Variants in LCLAT1 observed in about 807,000 individuals in gnomAD.
LCLAT1 encodes the protein 1-AGP acyltransferase 8.
LCLAT1 carries 11 observed loss-of-function variants against 30.7 expected under a neutral mutation model. The observed-to-expected ratio is 0.36, with a 90% CI of 0.23 to 0.59. LCLAT1 has a LOEUF of 0.59. Ranked by LOEUF, LCLAT1 falls within the 20% of genes least tolerant of loss-of-function variation. The pLI is 0.77. For synonymous variants in LCLAT1, 155 were observed against 151.3 expected, an observed-to-expected ratio of 1.02 and a Z score of -0.18; for missense variants, 402 against 458.6, an observed-to-expected ratio of 0.88 and a Z score of 1.13.
chr2:30,567,907 C>A (rs1665566096), intron 4 of LCLAT1, among the ~76,000 whole-genome samples, 153 bp from the exon 5 acceptor site: 1 of 152,132 alleles, frequency 6.6e-6, no homozygotes, highest in Non-Finnish European at 1.5e-5. Context: ...AATGGACCAT[C>A]TGCAATGTTT....
chr2:30,493,504 C>G (rs72856627), intron 1 of LCLAT1, among the ~76,000 whole-genome samples: 3,513 of 152,216 alleles, frequency 0.023, 126 homozygotes, highest in African/African-American at 0.079. Flanking sequence ...CAAGCATGTT[C>G]TAGATCATGC....
At chr2:30,588,988 G>A (rs546388194) in intron 5 of LCLAT1, among the ~76,000 whole-genome samples, 1 of 152,024 alleles carries the variant, frequency 6.6e-6, no homozygotes, top group Non-Finnish European at 1.5e-5. Context: ...AACTTCAAAG[G>A]TTATTGAAAA....
chr2:30,556,624 A>C (rs1664929685), intron 3 of LCLAT1, among the ~76,000 whole-genome samples: 1 of 152,218 alleles, frequency 6.6e-6, no homozygotes, highest in Admixed American at 6.5e-5. Context: ...TTAGATAATC[A>C]GGGTATATCT....
chr2:30,625,949 A>G lies in LCLAT1; in HGVS notation c.629-14168A>G, dbSNP rs930114508. Among the ~76,000 whole-genome samples, 4 of 152,324 alleles carry G rather than the reference A, an allele frequency of 2.6e-5. No homozygotes were observed. The South Asian group carries it at 6.2e-4, about 24-fold the overall frequency. Reference sequence around the variant, plus strand: ...ACGATACTTAAAAGTGACTGTGTGCACTGATAAACTGTAAGGGCAAGCATT... The same window carrying G: ...ACGATACTTAAAAGTGACTGTGTGCGCTGATAAACTGTAAGGGCAAGCATT... On this transcript the variant is annotated intron_variant, in intron 5 of 5. Coordinates refer to ENST00000379509, the MANE Select transcript of LCLAT1 (RefSeq NM_001002257.3).
At chr2:30,487,692 G>A (rs1276040289) in intron 1 of LCLAT1, among the ~76,000 whole-genome samples, 2 of 152,232 alleles carry the variant, frequency 1.3e-5, no homozygotes, top group Non-Finnish European at 2.9e-5. Context: ...GTTAGGTGGA[G>A]TTGAAGTGTG....
At chr2:30,536,873 G>T (rs1686271767) in intron 3 of LCLAT1, among the ~76,000 whole-genome samples, 1 of 152,140 alleles carries the variant, frequency 6.6e-6, no homozygotes, top group South Asian at 2.1e-4. Context: ...TAATAACCTT[G>T]AATGTAAAGC....
intron 1 of LCLAT1, among the ~76,000 whole-genome samples, chr2:30,449,430 G>A (rs1681431671): frequency 6.6e-6 from 1 of 151,818 alleles, no homozygotes; most frequent in Admixed American, 6.6e-5. Flanking sequence ...CTTTGGTTAA[G>A]TGGTATATTC....
intron 1 of LCLAT1, among the ~76,000 whole-genome samples, chr2:30,452,617 TA>T (rs1681613892): frequency 6.6e-6 from 1 of 152,228 alleles, no homozygotes; most frequent in African/African-American, 2.4e-5. Flanking sequence ...TTTTTTGTTT[TA>T]TTTTTTGGGA....
chr2:30,552,248 A>G (rs558655710), intron 3 of LCLAT1, among the ~76,000 whole-genome samples: 2 of 152,220 alleles, frequency 1.3e-5, no homozygotes, highest in Non-Finnish European at 1.5e-5. Context: ...TCATGTTAAC[A>G]TGAACCCCAA....
rs150122509 is a variant in LCLAT1, at chr2:30,453,234, G to A, written c.-5+5851G>A. ...TGGTGGTATCACAAAGAAAGGAAAT[G>A]CTGGATGAAGATAAAAATAAATGAT... On this transcript the variant is annotated intron_variant, in intron 1 of 5. Transcript: ENST00000379509. 6.2e-3 allele frequency among the ~76,000 whole-genome samples: 947 copies of A among 152,276 alleles called. 12 individuals carry two copies. The highest frequency in any genetic ancestry group is 6.0e-3 in the Non-Finnish European group (405 of 68,018).
intron 4 of LCLAT1, among the ~76,000 whole-genome samples, chr2:30,564,823 C>A (rs565491762): frequency 6.6e-6 from 1 of 152,252 alleles, no homozygotes; most frequent in East Asian, 1.9e-4. Flanking sequence ...CTTGCATGTA[C>A]ATTTAAATTA....
intron 1 of LCLAT1, among the ~76,000 whole-genome samples, chr2:30,520,481 C>T (rs1490423735): frequency 6.6e-6 from 1 of 152,128 alleles, no homozygotes; most frequent in Non-Finnish European, 1.5e-5. Context: ...GACTCTGACA[C>T]CAAGTTACCT....
intron 1 of LCLAT1, among the ~76,000 whole-genome samples, chr2:30,456,537 T>C (rs1681846583): frequency 6.6e-6 from 1 of 152,054 alleles, no homozygotes; most frequent in African/African-American, 2.4e-5. Context: ...TTAGGCTCCC[T>C]ACATGGCTTT....
intron 5 of LCLAT1, among the ~76,000 whole-genome samples, chr2:30,592,625 ATT>A (rs1437506915): frequency 2.0e-5 from 3 of 152,254 alleles, no homozygotes; most frequent in Non-Finnish European, 4.4e-5. Flanking sequence ...CAGAGTAACA[ATT>A]TGATTAAAAC....
At chr2:30,552,149 A>G (rs1339636418) in intron 3 of LCLAT1, among the ~76,000 whole-genome samples, 1 of 152,236 alleles carries the variant, frequency 6.6e-6, no homozygotes. Context: ...CAGTTTTGCA[A>G]CAGGAAGAAA....
chr2:30,640,013 C>T, intron 5 of LCLAT1, 104 bp from the exon 6 acceptor site: 3 of 827,464 alleles, frequency 3.6e-6, no homozygotes, highest in East Asian at 2.4e-5. Flanking sequence ...GTGGTTCACA[C>T]TGTCCTGATT....
chr2:30,622,975 A>G (rs543572686), intron 5 of LCLAT1, among the ~76,000 whole-genome samples: 27 of 152,306 alleles, frequency 1.8e-4, no homozygotes, highest in African/African-American at 6.3e-4. Context: ...ATTGCCTGTA[A>G]AAGAATTCAG....
chr2:30,568,764 C>A (rs762814384), intron 5 of LCLAT1, among the ~76,000 whole-genome samples: 23 of 146,402 alleles, frequency 1.6e-4, no homozygotes, highest in Non-Finnish European at 3.3e-4. Flanking sequence ...GCCTCAGCCT[C>A]CCAAACTGCT....
intron 4 of LCLAT1, among the ~76,000 whole-genome samples, chr2:30,564,204 G>T (rs10211659): frequency 0.13 from 19,224 of 151,948 alleles, 1,352 homozygotes; most frequent in South Asian, 0.23. Context: ...TTTTGATATT[G>T]AAATATCAGC....
Sources: allele counts gnomAD v4.1 joint callset (sites outside exome capture counted in the v4.1 genomes callset), GRCh38; gene constraint gnomAD v4.1.1; transcripts MANE v1.5; gene names NCBI Gene and HGNC (gene_info 2026-07-23, HGNC 2026-07-21).